The following TBCEL variants were observed in gnomAD, a reference collection of about 807,000 sequenced individuals.
TBCEL encodes the protein tubulin-specific chaperone cofactor E-like protein.
In TBCEL, 15 loss-of-function variants were observed where a neutral mutation model predicts 44.2. The ratio of observed to expected loss-of-function variants is 0.34; its 90% CI spans 0.23 to 0.52. The LOEUF (loss-of-function observed/expected upper bound fraction) is 0.52, where lower values mean the gene tolerates loss of function less well. TBCEL is among the 20% of genes least tolerant of loss of function. The probability of loss-of-function intolerance (pLI) is 0.95; values close to 1 mark genes in which losing one functional copy is unlikely to be tolerated. For missense variants in TBCEL, 319 were observed against 506.3 expected (o/e 0.63, Z 3.55); for synonymous variants, 171 against 185.4 (o/e 0.92, Z 0.63).
At chr11:121,036,077 C>T (rs1945226349) in intron 1 of TBCEL, 1 of 152,148 alleles carries the variant, frequency 6.6e-6, no homozygotes, top group South Asian at 2.1e-4. Context: ...GGTAAGGCCA[C>T]AAAAACCCAA....
intron 8 of TBCEL, among the ~76,000 whole-genome samples, chr11:121,070,801 G>A (rs1179015868): frequency 6.7e-6 from 1 of 150,270 alleles, no homozygotes. Flanking sequence ...ATGTTTGCAC[G>A]TTGTGCACAT....
intron 8 of TBCEL, among the ~76,000 whole-genome samples, chr11:121,063,199 T>G (rs1181273919): frequency 2.6e-5 from 4 of 152,148 alleles, no homozygotes; most frequent in Non-Finnish European, 5.9e-5. Context: ...TCTGCTCCAT[T>G]TTAGCTTCTG....
chr11:121,055,106 T>C lies in TBCEL; in HGVS notation c.510T>C (p.Ser170=), dbSNP rs750858391. 19 of 1,603,900 alleles carry C rather than the reference T, an allele frequency of 1.2e-5. No homozygotes were observed. The highest frequency in any genetic ancestry group is 5.1e-5 in the Admixed American group (3 of 59,378). The change falls in exon 6 of 9, where the codon TCT becomes TCC. Residue 170 remains serine, a synonymous_variant. Coordinates refer to ENST00000683345, the MANE Select transcript of TBCEL (RefSeq NM_001363644.2). ...ACTATGAAACAGTGTCTTGTCCTTC[T>C]ATTTGCTGTCATTCTCTTAAGCTAC... ...LNDYETVSCP[S]ICCHSLKLLH...
chr11:121,075,643 C>T (rs958447229), intron 8 of TBCEL, among the ~76,000 whole-genome samples: 3 of 151,942 alleles, frequency 2.0e-5, no homozygotes, highest in African/African-American at 2.4e-5. Flanking sequence ...TAGACCTTCT[C>T]TGATTTCTTC....
intron 2 of TBCEL, among the ~76,000 whole-genome samples, chr11:121,037,792 A>G (rs990139923): frequency 6.6e-6 from 1 of 152,202 alleles, no homozygotes. Flanking sequence ...ATCTAAACCA[A>G]AGTCTCCTGG....
rs1161207462 is a variant in TBCEL, at chr11:121,086,762, T to C, written c.957-16T>C. The C allele has an allele frequency of 3.1e-6, 5 of 1,594,572 alleles. No individual in the cohort carries two copies. Among genetic ancestry groups the C allele is most frequent in the Non-Finnish European group, 4.3e-6 (5 of 1,169,612 alleles). ...CTAGTAGTTTAAGCTGACAGTGTTGTTTTTAATCCTTCTAGGTATCATGAA... is the reference window on the plus strand; with the variant it reads ...CTAGTAGTTTAAGCTGACAGTGTTGCTTTTAATCCTTCTAGGTATCATGAA... On this transcript the variant is annotated splice_polypyrimidine_tract_variant and intron_variant, in intron 8 of 8. Transcript: ENST00000683345.
intron 8 of TBCEL, among the ~76,000 whole-genome samples, chr11:121,075,928 G>C (rs1369641506): frequency 6.6e-6 from 1 of 151,886 alleles, no homozygotes; most frequent in African/African-American, 2.4e-5. Flanking sequence ...AGTTACTCCA[G>C]CAATATTCAC....
chr11:121,042,173 T>G (rs1945346272), intron 2 of TBCEL, among the ~76,000 whole-genome samples: 3 of 152,290 alleles, frequency 2.0e-5, no homozygotes, highest in African/African-American at 7.2e-5. Context: ...GTGACATTAT[T>G]TTGACAGTGA....
intron 1 of TBCEL, among the ~76,000 whole-genome samples, chr11:121,034,743 A>C (rs1021118021): frequency 2.0e-4 from 31 of 152,244 alleles, no homozygotes; most frequent in African/African-American, 6.5e-4. Context: ...AAATAAGGGT[A>C]TATTATTTAA....
intron 4 of TBCEL, among the ~76,000 whole-genome samples, chr11:121,051,306 CTA>C (rs1276014660): frequency 6.6e-6 from 1 of 151,670 alleles, no homozygotes; most frequent in Non-Finnish European, 1.5e-5. Flanking sequence ...CTTAAATTAT[CTA>C]TTTTTTAAAG....
At chr11:121,034,431 C>T (rs541573605) in intron 1 of TBCEL, among the ~76,000 whole-genome samples, 28 of 152,102 alleles carry the variant, frequency 1.8e-4, no homozygotes, top group Non-Finnish European at 2.6e-4. Flanking sequence ...TTGGAATCTC[C>T]GTGGAGTAGA....
intron 8 of TBCEL, among the ~76,000 whole-genome samples, chr11:121,076,293 T>C (rs893213719): frequency 1.3e-5 from 2 of 152,032 alleles, no homozygotes; most frequent in Non-Finnish European, 2.9e-5. Context: ...TTAATAATAC[T>C]GAGTCTTCCT....
At chr11:121,040,912 AT>A (rs1303748811) in intron 2 of TBCEL, among the ~76,000 whole-genome samples, 1 of 152,094 alleles carries the variant, frequency 6.6e-6, no homozygotes, top group Non-Finnish European at 1.5e-5. Flanking sequence ...ACTTTTATTC[AT>A]TTCTATTTTA....
intron 8 of TBCEL, among the ~76,000 whole-genome samples, chr11:121,071,547 C>CCTTTT (rs1317417351): frequency 6.6e-6 from 1 of 152,064 alleles, no homozygotes; most frequent in Non-Finnish European, 1.5e-5. Flanking sequence ...CTTTTCTTTG[C>CCTTTT]CTTTTCTTTT....
intron 6 of TBCEL, among the ~76,000 whole-genome samples, chr11:121,057,176 A>G (rs1945637292): frequency 6.6e-6 from 1 of 151,842 alleles, no homozygotes; most frequent in Non-Finnish European, 1.5e-5. Context: ...GGATGAGGAT[A>G]GTTGTGACTT....
chr11:121,075,827 G>C (rs945998032), intron 8 of TBCEL, among the ~76,000 whole-genome samples: 1 of 151,946 alleles, frequency 6.6e-6, no homozygotes, highest in African/African-American at 2.4e-5. Context: ...AGATAGTATA[G>C]TCTACTACAC....
intron 1 of TBCEL, among the ~76,000 whole-genome samples, chr11:121,025,419 T>A (rs1257761620): frequency 3.3e-5 from 5 of 151,912 alleles, no homozygotes; most frequent in Non-Finnish European, 7.4e-5. Context: ...AAAAAAAAAA[T>A]TATGCCCCAC....
chr11:121,072,508 C>T (rs1356245150), intron 8 of TBCEL, among the ~76,000 whole-genome samples: 4 of 152,094 alleles, frequency 2.6e-5, no homozygotes, highest in African/African-American at 9.7e-5. Flanking sequence ...CTACTACTCT[C>T]AGTCCTATTT....
At chr11:121,079,404 A>T (rs1430474301) in intron 8 of TBCEL, among the ~76,000 whole-genome samples, 1 of 152,238 alleles carries the variant, frequency 6.6e-6, no homozygotes, top group African/African-American at 2.4e-5. Flanking sequence ...AGTATTTATT[A>T]TTGCAGCAAA....
Sources: gnomAD v4.1 joint callset for allele counts (sites outside exome capture counted in the v4.1 genomes callset) on GRCh38, gnomAD v4.1.1 for gene constraint, MANE v1.5 for transcripts, NCBI Gene and HGNC (gene_info 2026-07-23, HGNC 2026-07-21) for gene names.